Variants in GRIA1 observed in about 807,000 individuals in gnomAD.
The protein encoded by GRIA1 is glutamate ionotropic receptor AMPA type subunit 1, also known as glutamate receptor 1.
GRIA1 carries 31 observed loss-of-function variants against 99.2 expected under a neutral mutation model. The ratio of observed to expected loss-of-function variants is 0.31; its 90% CI spans 0.23 to 0.42. GRIA1 has a LOEUF of 0.42. Ranked by LOEUF, GRIA1 falls within the 10% of genes least tolerant of loss-of-function variation. GRIA1 has a pLI of 1.00. For synonymous variants in GRIA1, 438 were observed against 432.4 expected (o/e 1.01, Z -0.16); for missense variants, 782 against 1,157.5 (o/e 0.68, Z 4.71).
At chr5:153,778,215 G>A (rs1186248402) in intron 13 of GRIA1, among the ~76,000 whole-genome samples, 3 of 151,546 alleles carry the variant, frequency 2.0e-5, no homozygotes, top group Admixed American at 2.0e-4. Context: ...GTGTGTGTGT[G>A]TGTGTGTGTG....
At chr5:153,493,864 G>C in intron 1 of GRIA1, 64 bp from the exon 2 acceptor site, 2 of 1,545,096 alleles carry the variant, frequency 1.3e-6, no homozygotes, top group Non-Finnish European at 8.9e-7. Flanking sequence ...CATCTGGAGT[G>C]AGTCGTGAGG....
At chr5:153,786,190 A>G (rs1474360213) in intron 13 of GRIA1, among the ~76,000 whole-genome samples, 1 of 151,998 alleles carries the variant, frequency 6.6e-6, no homozygotes, top group African/African-American at 2.4e-5. Context: ...AACCTCCTGT[A>G]TCTCCCTTGC....
At chr5:153,804,959 C>T (rs974092449) in intron 15 of GRIA1, among the ~76,000 whole-genome samples, 2 of 151,788 alleles carry the variant, frequency 1.3e-5, no homozygotes, top group African/African-American at 2.4e-5. Context: ...ACCATGTTGA[C>T]CGGGCTGGTC....
chr5:153,650,280 C>T, intron 3 of GRIA1, 50 bp from the exon 4 acceptor site: 1 of 1,530,766 alleles, frequency 6.5e-7, no homozygotes, highest in Non-Finnish European at 8.9e-7. Context: ...TGGGTGGTGC[C>T]CACAAATCCT....
In GRIA1 at chr5:153,811,220, T is replaced by C; in HGVS notation, c.2716T>C (p.Leu906=). The change falls in exon 16 of 16, where the codon TTG becomes CTG. Residue 906 remains leucine, a synonymous_variant. Transcript: ENST00000285900. ...AGGGATGCCCTTGGGAGCCACGGGA[T>C]TGTAACTGGAGCAGATGGAGACCCC... ...SSGMPLGATG[L] 6.2e-7 allele frequency: 1 copy of C among 1,613,260 alleles called. No individual in the cohort carries two copies. Among genetic ancestry groups the C allele is most frequent in the South Asian group, 1.1e-5 (1 of 91,052 alleles).
intron 11 of GRIA1, among the ~76,000 whole-genome samples, chr5:153,745,811 A>C (rs1762119137): frequency 1.3e-5 from 2 of 152,104 alleles, no homozygotes; most frequent in Admixed American, 6.6e-5. Flanking sequence ...TGAGTTTTTA[A>C]ATGGGGTCAT....
chr5:153,543,005 A>G (rs963198568), intron 2 of GRIA1, among the ~76,000 whole-genome samples: 2 of 152,248 alleles, frequency 1.3e-5, no homozygotes, highest in Non-Finnish European at 2.9e-5. Context: ...GAGCATTGTT[A>G]TAAGGATTAA....
intron 10 of GRIA1, among the ~76,000 whole-genome samples, chr5:153,700,738 A>T (rs1758456202): frequency 6.6e-6 from 1 of 152,242 alleles, no homozygotes; most frequent in South Asian, 2.1e-4. Context: ...TTAAGTGCTC[A>T]TAAGGACAAG....
chr5:153,619,933 G>A (rs12054983), intron 2 of GRIA1, among the ~76,000 whole-genome samples: 42 of 152,184 alleles, frequency 2.8e-4, no homozygotes, highest in South Asian at 2.3e-3. Context: ...AGCACTTACC[G>A]CTTCCCTGTA....
rs1385789998 is a variant in GRIA1, at chr5:153,727,038, A to G, written c.1823+20971A>G. Among the ~76,000 whole-genome samples the G allele has an allele frequency of 2.6e-5, 4 of 152,278 alleles. No individual in the cohort carries two copies. In the South Asian group the frequency reaches 6.2e-4, roughly 24 times the overall value. On this transcript the variant is annotated intron_variant, in intron 11 of 15. Transcript: ENST00000285900. The stretch of plus-strand genomic sequence containing the variant: ...CAGCACATCAAAAAGCTTATCCACC[A>G]TGATCAAGTGGGCTTCATCCCTGGG...
intron 13 of GRIA1, among the ~76,000 whole-genome samples, chr5:153,784,934 T>G (rs1581653175): frequency 6.6e-6 from 1 of 152,130 alleles, no homozygotes. Flanking sequence ...GCAGGGTAAA[T>G]GAGCCTTGGT....
intron 2 of GRIA1, among the ~76,000 whole-genome samples, chr5:153,510,312 A>T (rs946874784): frequency 6.6e-6 from 1 of 152,158 alleles, no homozygotes; most frequent in African/African-American, 2.4e-5. Context: ...GATTAATCAG[A>T]ACCTGACTTT....
chr5:153,776,578 C>T (rs1764267185), intron 13 of GRIA1, among the ~76,000 whole-genome samples: 1 of 152,166 alleles, frequency 6.6e-6, no homozygotes, highest in African/African-American at 2.4e-5. Context: ...TATATCTGGC[C>T]TTTATCAATT....
At chr5:153,588,727 AAT>A (rs1334877012) in intron 2 of GRIA1, among the ~76,000 whole-genome samples, 3 of 152,220 alleles carry the variant, frequency 2.0e-5, no homozygotes, top group African/African-American at 7.2e-5. Flanking sequence ...ATGATTAAAT[AAT>A]AGTCTATTAG....
intron 2 of GRIA1, among the ~76,000 whole-genome samples, chr5:153,501,252 G>A (rs1342909386): frequency 6.6e-6 from 1 of 152,172 alleles, no homozygotes; most frequent in Non-Finnish European, 1.5e-5. Context: ...AAGCAGCCCT[G>A]TGCTCATGGA....
chr5:153,631,715 T>C (rs981192001), intron 2 of GRIA1, among the ~76,000 whole-genome samples: 2 of 152,168 alleles, frequency 1.3e-5, no homozygotes, highest in Non-Finnish European at 2.9e-5. Flanking sequence ...GTATATTTTT[T>C]AAATAATCTA....
At chr5:153,663,929 G>A (rs974058366) in intron 5 of GRIA1, among the ~76,000 whole-genome samples, 5 of 152,184 alleles carry the variant, frequency 3.3e-5, no homozygotes, top group Non-Finnish European at 7.3e-5. Context: ...GATTTGGAAT[G>A]GCCTTTTTCA....
intron 5 of GRIA1, among the ~76,000 whole-genome samples, chr5:153,662,439 T>C (rs1441658323): frequency 2.0e-5 from 3 of 152,182 alleles, no homozygotes; most frequent in Non-Finnish European, 2.9e-5. Context: ...CTAAGCCTCA[T>C]AGATGGCCAC....
intron 11 of GRIA1, among the ~76,000 whole-genome samples, chr5:153,746,990 C>T (rs531734142): frequency 6.6e-6 from 1 of 152,326 alleles, no homozygotes; most frequent in East Asian, 1.9e-4. Context: ...TCAACCCCCT[C>T]ACTTGTTCTG....
Sources: gnomAD v4.1 joint callset for allele counts (sites outside exome capture counted in the v4.1 genomes callset) on GRCh38, gnomAD v4.1.1 for gene constraint, MANE v1.5 for transcripts, NCBI Gene and HGNC (gene_info 2026-07-23, HGNC 2026-07-21) for gene names.